The following TBL2 variants were observed in gnomAD, a reference collection of about 807,000 sequenced individuals.
TBL2 encodes the protein transducin beta like 2, also known as transducin beta-like protein 2.
In TBL2, 33 loss-of-function variants were observed where a neutral mutation model predicts 41.8. That is an observed-to-expected ratio of 0.79 (90% CI 0.60 to 1.06). The LOEUF is 1.06. TBL2 is among the 50% of genes least tolerant of loss of function. TBL2 has a pLI of 0.00. For missense variants in TBL2, 522 were observed against 603.8 expected (o/e 0.86, Z 1.42); for synonymous variants, 239 against 241.7 (o/e 0.99, Z 0.10).
Position 73,574,481 on chromosome 7 carries a change from A to G in TBL2, c.163T>C (p.Ser55Pro). ...QKANGFPPDKSSGSKKQKQYQ... is the reference protein window; with the variant it reads ...QKANGFPPDKPSGSKKQKQYQ... Reference sequence around the variant, plus strand: ...TGTTTCTGCTTCTTGGATCCCGAAGATTTGTCAGGTGGAAATCCATTTGCT... The same window carrying G: ...TGTTTCTGCTTCTTGGATCCCGAAGGTTTGTCAGGTGGAAATCCATTTGCT... Residue 55 changes from serine (S) to proline (P), a missense_variant, in exon 2 of 7, where the codon TCT (serine) becomes CCT (proline). Ser to Pro is a moderately conservative substitution (Grantham distance 74). Coordinates refer to ENST00000305632, the MANE Select transcript of TBL2 (RefSeq NM_012453.4). 6.2e-7 allele frequency: 1 copy of G among 1,614,156 alleles called. No individual in the cohort carries two copies. The highest frequency in any genetic ancestry group is 8.5e-7 in the Non-Finnish European group (1 of 1,180,032).
chr7:73,571,608 T>C (rs1792960177), intron 5 of TBL2: 14 of 361,796 alleles, frequency 3.9e-5, no homozygotes, highest in South Asian at 3.3e-4. Context: ...AATACAAAAT[T>C]AGCCAGGCGT....
intron 5 of TBL2, 110 bp from the exon 6 acceptor site, chr7:73,571,451 T>C (rs1489376967): frequency 1.4e-6 from 2 of 1,471,858 alleles, no homozygotes; most frequent in Non-Finnish European, 1.8e-6. Flanking sequence ...ATCTGGATAA[T>C]ATAAACCTTT....
At chr7:73,575,994 T>A (rs1209007178) in intron 1 of TBL2, among the ~76,000 whole-genome samples, 5 of 151,988 alleles carry the variant, frequency 3.3e-5, no homozygotes, top group African/African-American at 9.7e-5. Flanking sequence ...ATCGTGCCAC[T>A]GTATTCCAGC....
intron 5 of TBL2, among the ~76,000 whole-genome samples, chr7:73,572,574 T>C (rs1377010153): frequency 6.6e-6 from 1 of 152,212 alleles, no homozygotes; most frequent in Non-Finnish European, 1.5e-5. Context: ...TGAGCTATGA[T>C]CGCACCACTG....
intron 1 of TBL2, chr7:73,576,798 G>C (rs1008734142): frequency 2.8e-5 from 12 of 432,270 alleles, no homozygotes; most frequent in Admixed American, 1.6e-4. Context: ...ACCAAATGCT[G>C]TTTGGGGACT....
At position 73,578,534 on chromosome 7, in the gene TBL2, T is replaced by C. The variant is rs140358393; in HGVS notation, c.16A>G (p.Met6Val). The C allele has an allele frequency of 2.3e-5, 36 of 1,590,010 alleles. No individual in the cohort carries two copies. The highest frequency in any genetic ancestry group is 3.0e-5 in the Non-Finnish European group (35 of 1,169,898). ...ACCGACAGCCCCATGAGCTCCGACA[T>C]CTGCGAGAGCTCCATGTTGGTGGAA... MELSQ[M>V]SELMGLSVLL... The change falls in exon 1 of 7, where the codon ATG becomes GTG. Residue 6 changes from methionine (M) to valine (V), a missense_variant. Coordinates refer to ENST00000305632, the MANE Select transcript of TBL2 (RefSeq NM_012453.4).
At chr7:73,574,311 AT>A (rs1793156654) in intron 2 of TBL2, 71 bp downstream of exon 2, 1 of 1,592,728 alleles carries the variant, frequency 6.3e-7, no homozygotes, top group Non-Finnish European at 8.6e-7. Flanking sequence ...TGTAACATGC[AT>A]GGAATACTCC....
At chr7:73,573,216 C>T in intron 4 of TBL2, 104 bp downstream of exon 4, 3 of 1,525,160 alleles carry the variant, frequency 2.0e-6, no homozygotes, top group South Asian at 2.5e-5. Context: ...CCTTGTTCCT[C>T]TCAGGTTGAG....
Position 73,567,644 on chromosome 7 carries a change from A to G in TBL2, c.*2863T>C, listed in dbSNP as rs1474487865. ...GCCTTCACATGCAGGATTTTTGATT[A>G]AAAAAAAGAAAAACCTTGGTGGCCT... On this transcript the variant is annotated 3_prime_UTR_variant, in exon 7 of 7. Transcript: ENST00000305632. Among the ~76,000 whole-genome samples, 1 of 152,028 alleles carries G rather than the reference A, an allele frequency of 6.6e-6. No individual in the cohort carries two copies. Among genetic ancestry groups the G allele is most frequent in the Non-Finnish European group, 1.5e-5 (1 of 68,006 alleles).
chr7:73,567,973 T>C lies in TBL2; in HGVS notation c.*2534A>G, dbSNP rs1289249901. On this transcript the variant is annotated 3_prime_UTR_variant, in exon 7 of 7. Transcript: ENST00000305632. ...TGTCCTGGATACACAACGGGAGTAA[T>C]GCCAGAGCTGCTTCTAAGAACAGGT... Among the ~76,000 whole-genome samples, 4 of 152,178 alleles carry C rather than the reference T, an allele frequency of 2.6e-5. No individual in the cohort carries two copies. The highest frequency in any genetic ancestry group is 1.3e-4 in the Admixed American group (2 of 15,262).
intron 1 of TBL2, chr7:73,574,946 T>TG: frequency 9.6e-6 from 3 of 312,982 alleles, no homozygotes; most frequent in South Asian, 5.3e-5. Flanking sequence ...TCATGTAGAG[T>TG]GGAAAAGGCG....
chr7:73,574,880 C>T (rs1327848593), intron 1 of TBL2: 1 of 372,474 alleles, frequency 2.7e-6, no homozygotes, highest in Non-Finnish European at 5.3e-6. Context: ...TGGATTCTGT[C>T]TCTACTACTG....
intron 4 of TBL2, 67 bp from the exon 5 acceptor site, chr7:73,573,037 C>G: frequency 6.2e-7 from 1 of 1,602,728 alleles, no homozygotes; most frequent in Non-Finnish European, 8.5e-7. Context: ...TCCAAAGACA[C>G]TTACAAGGCC....
rs182291282 is a variant in TBL2 at position 73,574,050 on chromosome 7, G to A, written c.334C>T (p.Arg112Cys). The A allele has an allele frequency of 1.8e-5, 29 of 1,614,144 alleles. No homozygotes were observed. The Middle Eastern group carries it at 4.9e-4, about 28-fold the overall frequency. The change falls in exon 3 of 7, where the codon CGC becomes TGC. Residue 112 changes from arginine to cysteine, a missense_variant. Physicochemically the swap from Arg to Cys is radical, Grantham distance 180. Coordinates refer to ENST00000305632, the MANE Select transcript of TBL2 (RefSeq NM_012453.4). ...GKYLATCADD[R>C]TIRIWSTKDF... ...TTGGTGCTCCAGATGCGGATGGTGC[G>A]ATCATCTGCACAGGTAGCCAGGTAT...
chr7:73,578,286 T>A (rs1404336749), intron 1 of TBL2, 134 bp downstream of exon 1: 1 of 1,534,478 alleles, frequency 6.5e-7, no homozygotes, highest in African/African-American at 1.4e-5. Flanking sequence ...GAAGCTCACG[T>A]TACCAGAGGA....
At chr7:73,576,810 C>T in intron 1 of TBL2, 1 of 421,624 alleles carries the variant, frequency 2.4e-6, no homozygotes, top group Non-Finnish European at 4.8e-6. Context: ...TTGGGGACTC[C>T]TTGCCTTCTC....
chr7:73,578,452 C>A lies in TBL2; in HGVS notation c.98G>T (p.Arg33Leu). 1.3e-6 allele frequency: 2 copies of A among 1,549,338 alleles called. No individual in the cohort carries two copies. Among genetic ancestry groups the A allele is most frequent in the Non-Finnish European group, 1.7e-6 (2 of 1,151,044 alleles). ...CCGGCCGCTCCTCTCCTCCCCCGCG[C>A]GCAGCCACCCCCGCGCTACCGCCGC... ...ATAAVARGWL[R>L]AGEERSGRPA... The change falls in exon 1 of 7, where the codon CGC becomes CTC. Residue 33 changes from arginine (R) to leucine (L), a missense_variant. By Grantham distance (102) the Arg-to-Leu change is moderately radical (BLOSUM62 -2). Transcript: ENST00000305632.
At chr7:73,572,444 C>CAACA (rs782453224) in intron 5 of TBL2, among the ~76,000 whole-genome samples, 3 of 152,028 alleles carry the variant, frequency 2.0e-5, no homozygotes, top group African/African-American at 7.2e-5. Context: ...GAAACCGTCT[C>CAACA]AACAAACAAA....
At position 73,570,835 on chromosome 7, in the gene TBL2, A is replaced by G. The variant is rs782749144; in HGVS notation, c.1016T>C (p.Leu339Pro). ...GGCCAAGACCTGGGCGTTGGGGGAGAGGGCCAGGCGGCACGGCGCGGCACC... is the reference window on the plus strand; with the variant it reads ...GGCCAAGACCTGGGCGTTGGGGGAGGGGGCCAGGCGGCACGGCGCGGCACC... The part of the protein sequence containing the change: ...AAGAAPCRLA[L>P]SPNAQVLALA... Residue 339 changes from leucine to proline, a missense_variant, in exon 7 of 7, where the codon CTC becomes CCC. By Grantham distance (98) the Leu-to-Pro change is moderately conservative. Transcript: ENST00000305632. 23 of 1,613,780 alleles carry G rather than the reference A, an allele frequency of 1.4e-5. No individual in the cohort carries two copies. The highest frequency in any genetic ancestry group is 1.8e-5 in the Non-Finnish European group (21 of 1,180,052).
Sources: allele counts gnomAD v4.1 joint callset (sites outside exome capture counted in the v4.1 genomes callset), GRCh38; gene constraint gnomAD v4.1.1; transcripts MANE v1.5; gene names NCBI Gene and HGNC (gene_info 2026-07-23, HGNC 2026-07-21).